The following STK4 variants were observed in gnomAD, a reference collection of about 807,000 sequenced individuals.
STK4 encodes serine/threonine-protein kinase 4.
STK4 carries 30 observed loss-of-function variants against 64.9 expected under a neutral mutation model. That is an observed-to-expected ratio of 0.46 (90% confidence interval 0.35 to 0.63). The LOEUF (loss-of-function observed/expected upper bound fraction) is 0.63. STK4 is among the 20% of genes least tolerant of loss of function. STK4 has a pLI of 0.01. For missense variants in STK4, 466 were observed against 598.5 expected, an observed-to-expected ratio of 0.78 and a Z score of 2.31; for synonymous variants, 177 against 199.0, an observed-to-expected ratio of 0.89 and a Z score of 0.93.
chr20:44,985,094 C>T (rs1000684559), intron 4 of STK4, among the ~76,000 whole-genome samples: 12 of 152,246 alleles, frequency 7.9e-5, no homozygotes, highest in East Asian at 3.9e-4. Context: ...TGTTCTCTTC[C>T]ACTATAGAAG....
chr20:45,003,484 A>T (rs1280329351), intron 9 of STK4, among the ~76,000 whole-genome samples: 1 of 152,194 alleles, frequency 6.6e-6, no homozygotes, highest in African/African-American at 2.4e-5. Context: ...ATTTATAAAA[A>T]TTGTGTAATT....
intron 9 of STK4, among the ~76,000 whole-genome samples, chr20:45,002,616 A>G (rs1266649101): frequency 1.3e-5 from 2 of 152,206 alleles, no homozygotes; most frequent in Non-Finnish European, 2.9e-5. Flanking sequence ...AGTTACTTAA[A>G]TTTATCATTA....
chr20:45,049,002 T>A (rs1441052895), intron 10 of STK4, among the ~76,000 whole-genome samples: 2 of 152,184 alleles, frequency 1.3e-5, no homozygotes, highest in African/African-American at 4.8e-5. Context: ...ATGTTTTTTT[T>A]TTCAAAACAG....
chr20:45,003,865 T>C (rs1357664939), intron 9 of STK4, among the ~76,000 whole-genome samples: 3 of 151,776 alleles, frequency 2.0e-5, no homozygotes, highest in African/African-American at 7.3e-5. Flanking sequence ...TACAGGCGTG[T>C]GCTGCCACAC....
chr20:45,042,286 C>G (rs540700963), intron 10 of STK4, among the ~76,000 whole-genome samples: 2 of 150,904 alleles, frequency 1.3e-5, no homozygotes, highest in Admixed American at 1.3e-4. Context: ...TTTTTTTTCT[C>G]ACACGAACTC....
In STK4 at chr20:44,995,605, CAAAAAAAAAAAAA is replaced by C. The variant is rs60140206; in HGVS notation, c.693+360_693+372del. ...TGGGAGAGAGAGTGAGACTCCATCT[CAAAAAAAAAAAAA>C]AAAAAAAAAAAGTTCAATGGCTTAC... On this transcript the variant is annotated intron_variant, in intron 6 of 10. Coordinates refer to ENST00000372806, the MANE Select transcript of STK4 (RefSeq NM_006282.5). 5.5e-5 allele frequency among the ~76,000 whole-genome samples: 3 copies of C among 54,550 alleles called. No homozygotes were observed. In the East Asian group the frequency reaches 2.1e-3, roughly 38 times the overall value. 35.8% of individuals were successfully genotyped at this position (54,550 alleles called of 152,430 possible).
intron 9 of STK4, among the ~76,000 whole-genome samples, chr20:45,001,692 G>A (rs1368158137): frequency 6.6e-6 from 1 of 152,162 alleles, no homozygotes; most frequent in African/African-American, 2.4e-5. Context: ...CTGTGAAGGT[G>A]TAATGACATT....
Position 45,048,074 on chromosome 20 carries a change from C to T in STK4, c.1305+22944C>T, listed in dbSNP as rs185809355. On this transcript the variant is annotated intron_variant, in intron 10 of 10. Transcript: ENST00000372806. Reference sequence around the variant, plus strand: ...AAAGATGCTCAGTATATATAAGGTTCTTTTCCTGTTCTTTTAAAAGCAGAG... The same window carrying T: ...AAAGATGCTCAGTATATATAAGGTTTTTTTCCTGTTCTTTTAAAAGCAGAG... 8.3e-4 allele frequency among the ~76,000 whole-genome samples: 127 copies of T among 152,276 alleles called. 1 individual carries two copies. The highest frequency in any genetic ancestry group is 4.1e-3 in the South Asian group (20 of 4,820).
chr20:45,009,952 A>G (rs1273794266), intron 9 of STK4, among the ~76,000 whole-genome samples: 1 of 152,186 alleles, frequency 6.6e-6, no homozygotes, highest in Non-Finnish European at 1.5e-5. Context: ...TTTTCTAGGT[A>G]TAGAATCATA....
intron 9 of STK4, among the ~76,000 whole-genome samples, chr20:45,003,257 C>T (rs2067873316): frequency 6.6e-6 from 1 of 152,086 alleles, no homozygotes; most frequent in Admixed American, 6.5e-5. Context: ...CTGCCTTGGC[C>T]TCCCAAAGTG....
chr20:45,038,330 A>G (rs865899879), intron 10 of STK4, among the ~76,000 whole-genome samples: 1 of 110,244 alleles, frequency 9.1e-6, no homozygotes, highest in Non-Finnish European at 2.0e-5. Context: ...AAATTATAAT[A>G]CCTTTATCAT....
At chr20:44,977,718 A>G (rs1029982066) in intron 2 of STK4, among the ~76,000 whole-genome samples, 3 of 152,238 alleles carry the variant, frequency 2.0e-5, no homozygotes, top group Non-Finnish European at 2.9e-5. Context: ...TTGACTAGAT[A>G]CACAAACTTT....
intron 6 of STK4, 123 bp from the exon 7 acceptor site, chr20:44,997,046 G>A: frequency 7.2e-7 from 1 of 1,386,348 alleles, no homozygotes; most frequent in South Asian, 1.3e-5. Flanking sequence ...ATTTGGGTGA[G>A]CTTCTCAGTG....
chr20:44,985,400 T>G (rs2145661542), intron 4 of STK4, among the ~76,000 whole-genome samples: 1 of 152,218 alleles, frequency 6.6e-6, no homozygotes, highest in East Asian at 1.9e-4. Context: ...CAGGCTGGAG[T>G]GCACACAATC....
chr20:44,968,080 T>C (rs1230158913), intron 1 of STK4, among the ~76,000 whole-genome samples: 4 of 152,074 alleles, frequency 2.6e-5, no homozygotes, highest in African/African-American at 9.7e-5. Context: ...GGAGAAGTCA[T>C]AGCAAGTAAG....
chr20:44,993,842 G>C (rs1227305368), intron 5 of STK4, among the ~76,000 whole-genome samples: 1 of 152,166 alleles, frequency 6.6e-6, no homozygotes, highest in Non-Finnish European at 1.5e-5. Context: ...AGTCGGGCAT[G>C]ATGGTGGGCG....
At chr20:45,062,989 C>CTTTTTGTTTTT (rs1979212508) in intron 10 of STK4, among the ~76,000 whole-genome samples, 2 of 31,448 alleles carry the variant, frequency 6.4e-5, no homozygotes, top group Non-Finnish European at 1.2e-4. Context: ...CGCACCCGGC[C>CTTTTTGTTTTT]TTTTTTTTTT....
At position 44,997,241 on chromosome 20, in the gene STK4, G is replaced by T; in HGVS notation, c.766G>T (p.Asp256Tyr). The change falls in exon 7 of 11, where the codon GAT becomes TAT. Residue 256 changes from aspartate to tyrosine, a missense_variant. Asp to Tyr is a radical substitution (Grantham distance 160, BLOSUM62 -3). Coordinates refer to ENST00000372806, the MANE Select transcript of STK4 (RefSeq NM_006282.5). Reference sequence around the variant, plus strand: ...AGAGCTATGGTCAGATAACTTTACAGATTTTGTGAAACAGTGTCTTGTAAA... The same window carrying T: ...AGAGCTATGGTCAGATAACTTTACATATTTTGTGAAACAGTGTCTTGTAAA... ...KPELWSDNFT[D>Y]FVKQCLVKSP... The T allele has an allele frequency of 6.2e-7, 1 of 1,613,870 alleles. No homozygotes were observed.
intron 9 of STK4, among the ~76,000 whole-genome samples, chr20:45,007,055 G>A (rs2067959698): frequency 6.6e-6 from 1 of 152,036 alleles, no homozygotes; most frequent in Admixed American, 6.6e-5. Context: ...TTGTTTGTTT[G>A]TTTGTTTGTT....
Sources: allele counts gnomAD v4.1 joint callset (sites outside exome capture counted in the v4.1 genomes callset), GRCh38; gene constraint gnomAD v4.1.1; transcripts MANE v1.5; gene names NCBI Gene and HGNC (gene_info 2026-07-23, HGNC 2026-07-21).